SIK3: variants seen among roughly 807,000 people sequenced by gnomAD.
The protein encoded by SIK3 is SIK family kinase 3.
In SIK3, 28 loss-of-function variants were observed where a neutral mutation model predicts 144.2. The observed-to-expected ratio is 0.19, with a 90% CI of 0.14 to 0.27. SIK3 has a LOEUF of 0.27. Among genes scored for constraint, SIK3 ranks in the 10% least tolerant of loss-of-function variants. The pLI is 1.00. For synonymous variants in SIK3, 686 were observed against 676.3 expected (o/e 1.01, Z -0.22); for missense variants, 1,319 against 1,776.0 (o/e 0.74, Z 4.62).
intron 16 of SIK3, 66 bp from the exon 17 acceptor site, chr11:116,862,393 G>A: frequency 6.2e-7 from 1 of 1,603,606 alleles, no homozygotes; most frequent in South Asian, 1.1e-5. Flanking sequence ...GATTTCAGCA[G>A]ATGCAGATCT....
chr11:116,876,745 T>G (rs1944280073), intron 7 of SIK3, among the ~76,000 whole-genome samples, 179 bp downstream of exon 7: 1 of 152,222 alleles, frequency 6.6e-6, no homozygotes, highest in South Asian at 2.1e-4. Flanking sequence ...TGATCACTAT[T>G]CTCCAGCAGT....
chr11:116,944,770 C>T (rs1026564195), intron 3 of SIK3, among the ~76,000 whole-genome samples: 2 of 152,116 alleles, frequency 1.3e-5, no homozygotes, highest in African/African-American at 2.4e-5. Context: ...CAAACTGAAC[C>T]GGTTTTGGGA....
chr11:117,067,298 T>C (rs138748528), intron 1 of SIK3, among the ~76,000 whole-genome samples: 1 of 152,152 alleles, frequency 6.6e-6, no homozygotes, highest in Non-Finnish European at 1.5e-5. Flanking sequence ...AATAGGTGAA[T>C]GAATAAACAA....
At chr11:116,934,865 A>C (rs959045312) in intron 3 of SIK3, among the ~76,000 whole-genome samples, 2 of 152,156 alleles carry the variant, frequency 1.3e-5, no homozygotes, top group Admixed American at 1.3e-4. Context: ...GGATTACCTG[A>C]GGTCAGGAGT....
chr11:117,038,459 C>T lies in SIK3; in HGVS notation c.273+59684G>A, dbSNP rs191549198. Among the ~76,000 whole-genome samples, 860 of 151,248 alleles carry T rather than the reference C, an allele frequency of 5.7e-3. 11 individuals are homozygous for T. The highest frequency in any genetic ancestry group is 0.02 in the African/African-American group (825 of 41,156). ...ACAGCCTCTGCCTCCCAGGTTCAAG[C>T]GATTCTCCTGCCTCAGCCTCCAGAG... On this transcript the variant is annotated intron_variant, in intron 1 of 24. Transcript: ENST00000445177.
intron 1 of SIK3, among the ~76,000 whole-genome samples, chr11:117,068,578 A>C (rs1954120676): frequency 2.0e-5 from 3 of 152,144 alleles, no homozygotes; most frequent in African/African-American, 4.8e-5. Context: ...GCGAGACCCT[A>C]TCTCTAAAGT....
At chr11:116,919,215 T>C (rs988696222) in intron 4 of SIK3, among the ~76,000 whole-genome samples, 10 of 152,248 alleles carry the variant, frequency 6.6e-5, no homozygotes, top group Admixed American at 3.9e-4. Context: ...GTTTCCAACC[T>C]TTCTTTTCTA....
chr11:117,098,147 G>A lies in SIK3; in HGVS notation c.269C>T (p.Ala90Val), dbSNP rs759173156. ...GCCTGGCCCCTGCGCCGGTACCTTG[G>A]CCTTGGTGACGAGGTGCGTGGCCCG... ...VKRATHLVTK[A>V]KVAIKIIDKT... The change falls in exon 1 of 25, where the codon GCC becomes GTC. Residue 90 changes from alanine (A) to valine (V), a missense_variant. Around this residue, in one of 8 missense-constraint regions of SIK3, gnomAD observed 125 missense variants for 285.2 expected, o/e 0.44. Coordinates refer to ENST00000445177, the MANE Select transcript of SIK3 (RefSeq NM_001366686.3). The A allele has an allele frequency of 8.0e-6, 12 of 1,495,582 alleles. No individual in the cohort carries two copies. In the East Asian group the frequency reaches 3.3e-4, roughly 41 times the overall value. 92.6% of individuals were successfully genotyped at this position (1,495,582 alleles called of 1,614,324 possible).
chr11:117,085,830 C>T lies in SIK3; in HGVS notation c.273+12313G>A, dbSNP rs565678329. 3.3e-5 allele frequency among the ~76,000 whole-genome samples: 5 copies of T among 152,092 alleles called. No individual in the cohort carries two copies. The East Asian group carries it at 9.7e-4, about 29-fold the overall frequency. The stretch of plus-strand genomic sequence containing the variant: ...CGAAACCCCATCTCTACAAAAAATA[C>T]AAAAATTGGCCGGGCATGGTGGCAT... On this transcript the variant is annotated intron_variant, in intron 1 of 24. Coordinates refer to ENST00000445177, the MANE Select transcript of SIK3 (RefSeq NM_001366686.3).
intron 22 of SIK3, among the ~76,000 whole-genome samples, chr11:116,848,899 G>A (rs533998771): frequency 6.6e-6 from 1 of 152,304 alleles, no homozygotes; most frequent in East Asian, 1.9e-4. Context: ...GGAGGTAGAA[G>A]TTGCAGTGAG....
At chr11:116,972,120 G>A (rs1949783641) in intron 1 of SIK3, among the ~76,000 whole-genome samples, 1 of 151,588 alleles carries the variant, frequency 6.6e-6, no homozygotes, top group Non-Finnish European at 1.5e-5. Flanking sequence ...ATAATTACAG[G>A]CATTAACTCT....
chr11:117,093,253 A>G (rs79536557), intron 1 of SIK3, among the ~76,000 whole-genome samples: 9,663 of 152,278 alleles, frequency 0.063, 705 homozygotes, highest in African/African-American at 0.17. Context: ...GTGCTTCGTT[A>G]AACTCTTCTT....
At chr11:116,950,710 T>C (rs548871120) in intron 3 of SIK3, among the ~76,000 whole-genome samples, 12 of 152,258 alleles carry the variant, frequency 7.9e-5, no homozygotes, top group Non-Finnish European at 1.8e-4. Flanking sequence ...TGTCCGATTC[T>C]AGAATCGCAA....
intron 1 of SIK3, among the ~76,000 whole-genome samples, chr11:117,021,222 C>A (rs966847470): frequency 6.6e-6 from 1 of 152,160 alleles, no homozygotes; most frequent in Non-Finnish European, 1.5e-5. Flanking sequence ...CGAGCAGTTT[C>A]TACACGAGAG....
chr11:116,965,591 C>A (rs986304162), intron 1 of SIK3, among the ~76,000 whole-genome samples: 1 of 146,958 alleles, frequency 6.8e-6, no homozygotes, highest in Non-Finnish European at 1.5e-5. Context: ...GCCTCAAAGC[C>A]CTAAAAAAAA....
intron 1 of SIK3, among the ~76,000 whole-genome samples, chr11:117,089,367 A>G (rs1253098154): frequency 6.6e-6 from 1 of 151,112 alleles, no homozygotes; most frequent in Non-Finnish European, 1.5e-5. Flanking sequence ...AGATCGCGCC[A>G]CTGCACTCCA....
At chr11:116,960,763 A>G (rs994735357) in intron 1 of SIK3, among the ~76,000 whole-genome samples, 3 of 152,038 alleles carry the variant, frequency 2.0e-5, no homozygotes, top group African/African-American at 7.3e-5. Flanking sequence ...TAATACATGC[A>G]ACCTGATTAA....
At chr11:117,013,972 C>CTTTT (rs71037442) in intron 1 of SIK3, among the ~76,000 whole-genome samples, 411 of 27,034 alleles carry the variant, frequency 0.015, 96 homozygotes, top group African/African-American at 0.031. Context: ...TTTTTCTTTT[C>CTTTT]TTTTTTTTTT....
chr11:116,847,597 A>G lies in SIK3; in HGVS notation c.3831T>C (p.Asp1277=). Residue 1277 remains aspartate (D), a synonymous_variant, in exon 23 of 25, where the codon GAT becomes GAC. Coordinates refer to ENST00000445177, the MANE Select transcript of SIK3 (RefSeq NM_001366686.3). ...QNSDDAYVQL[D]NLPGMSLVAG... ...CCACGAGACTCATTCCTGGCAAGTTATCCAGCTGTACCTGCAGAAAACAGT... is the reference window on the plus strand; with the variant it reads ...CCACGAGACTCATTCCTGGCAAGTTGTCCAGCTGTACCTGCAGAAAACAGT... The G allele has an allele frequency of 6.2e-7, 1 of 1,614,204 alleles. No individual in the cohort carries two copies. Among genetic ancestry groups the G allele is most frequent in the Non-Finnish European group, 8.5e-7 (1 of 1,180,044 alleles).
Sources: allele counts gnomAD v4.1 joint callset (sites outside exome capture counted in the v4.1 genomes callset), GRCh38; gene constraint gnomAD v4.1.1; regional missense constraint gnomAD v4.1.1; transcripts MANE v1.5; gene names NCBI Gene and HGNC (gene_info 2026-07-23, HGNC 2026-07-21).